ARHGAP10: variants seen among roughly 807,000 people sequenced by gnomAD.
ARHGAP10 encodes Rho GTPase activating protein 10.
A neutral mutation model predicts 108.6 loss-of-function variants in ARHGAP10; 87 were observed. The ratio of observed to expected loss-of-function variants is 0.80; its 90% CI spans 0.67 to 0.96. The LOEUF is 0.96. Ranked by LOEUF, ARHGAP10 falls within the 40% of genes least tolerant of loss-of-function variation. ARHGAP10 has a pLI of 0.00. For synonymous variants in ARHGAP10, 347 were observed against 341.1 expected (o/e 1.02, Z -0.19); for missense variants, 939 against 954.5 (o/e 0.98, Z 0.21).
chr4:147,963,338 G>C (rs1739074361), intron 16 of ARHGAP10, among the ~76,000 whole-genome samples: 2 of 152,066 alleles, frequency 1.3e-5, no homozygotes, highest in African/African-American at 4.8e-5. Flanking sequence ...ATCTCCAAGG[G>C]CTCTCCATTA....
intron 20 of ARHGAP10, among the ~76,000 whole-genome samples, chr4:148,061,008 C>T (rs1374184738): frequency 1.3e-5 from 2 of 152,016 alleles, no homozygotes; most frequent in African/African-American, 4.8e-5. Context: ...TCTGTCATTA[C>T]AGTGGTTCTT....
In ARHGAP10 at chr4:147,796,772, G is replaced by C. The variant is rs534906072; in HGVS notation, c.155-25955G>C. On this transcript the variant is annotated intron_variant, in intron 1 of 22. Coordinates refer to ENST00000336498, the MANE Select transcript of ARHGAP10 (RefSeq NM_024605.4). The stretch of plus-strand genomic sequence containing the variant: ...AATCTCCTGACCTTGTGATCCACCC[G>C]CCTTGGCCTCTTAAAGTGCTGGGAT... Among the ~76,000 whole-genome samples, 4 of 152,210 alleles carry C rather than the reference G, an allele frequency of 2.6e-5. No individual in the cohort carries two copies. The East Asian group carries it at 7.7e-4, about 29-fold the overall frequency.
chr4:147,750,333 T>C (rs140180223), intron 1 of ARHGAP10, among the ~76,000 whole-genome samples: 2,944 of 152,310 alleles, frequency 0.019, 36 homozygotes, highest in Non-Finnish European at 0.031. Context: ...TTTCTGACTG[T>C]GGCGTCAGTT....
intron 1 of ARHGAP10, among the ~76,000 whole-genome samples, chr4:147,775,649 G>C (rs749977934): frequency 9.9e-5 from 15 of 152,132 alleles, no homozygotes; most frequent in Non-Finnish European, 2.1e-4. Flanking sequence ...TGGCTACGCT[G>C]ACCTGGTTTT....
At chr4:147,988,131 G>C (rs1740111461) in intron 18 of ARHGAP10, among the ~76,000 whole-genome samples, 2 of 152,142 alleles carry the variant, frequency 1.3e-5, no homozygotes, top group African/African-American at 4.8e-5. Flanking sequence ...GAGGCTGGCT[G>C]CTTCTTAGGC....
At chr4:147,813,412 G>C (rs1215046459) in intron 1 of ARHGAP10, among the ~76,000 whole-genome samples, 2 of 152,166 alleles carry the variant, frequency 1.3e-5, no homozygotes, top group Non-Finnish European at 2.9e-5. Context: ...AGCTACCTCT[G>C]TCATGGCCTT....
At position 147,966,928 on chromosome 4, in the gene ARHGAP10, T is replaced by C; in HGVS notation, c.1716+89T>C. 4 of 1,190,352 alleles carry C rather than the reference T, an allele frequency of 3.4e-6. No homozygotes were observed. In the South Asian group the frequency reaches 1.1e-4, roughly 33 times the overall value. 73.7% of individuals were successfully genotyped at this position (1,190,352 alleles called of 1,614,324 possible). On this transcript the variant is annotated intron_variant, in intron 18 of 22. Transcript: ENST00000336498. ...TCCTCTTAGATTTCCCTTTTCTCTC[T>C]CTCTGTTTAAAAAAATTCTTTCATT...
At chr4:147,853,167 C>T (rs1007707514) in intron 4 of ARHGAP10, among the ~76,000 whole-genome samples, 1 of 152,170 alleles carries the variant, frequency 6.6e-6, no homozygotes, top group African/African-American at 2.4e-5. Context: ...CTCGCTCACA[C>T]AGTACTATTT....
chr4:147,896,631 T>C (rs1736001980), intron 10 of ARHGAP10, among the ~76,000 whole-genome samples: 1 of 152,116 alleles, frequency 6.6e-6, no homozygotes, highest in African/African-American at 2.4e-5. Flanking sequence ...TAACCACTTT[T>C]TATTTCATTT....
chr4:148,053,087 G>T (rs1010084105), intron 20 of ARHGAP10, among the ~76,000 whole-genome samples: 2 of 152,094 alleles, frequency 1.3e-5, no homozygotes, highest in African/African-American at 4.8e-5. Context: ...CTTAATGCTT[G>T]CATCAACCCA....
intron 1 of ARHGAP10, among the ~76,000 whole-genome samples, chr4:147,780,346 C>T (rs1339303222): frequency 2.6e-5 from 4 of 152,118 alleles, no homozygotes; most frequent in Admixed American, 6.5e-5. Flanking sequence ...CAGTATCTAG[C>T]TACACCCCAA....
chr4:147,968,393 T>C (rs1739281770), intron 18 of ARHGAP10, among the ~76,000 whole-genome samples: 1 of 152,210 alleles, frequency 6.6e-6, no homozygotes, highest in South Asian at 2.1e-4. Context: ...GCAGTACTTT[T>C]CAATCTTCTT....
chr4:147,918,840 A>ATC (rs1207616856), intron 13 of ARHGAP10, among the ~76,000 whole-genome samples: 1 of 152,252 alleles, frequency 6.6e-6, no homozygotes, highest in Admixed American at 6.5e-5. Flanking sequence ...AGGACCAAGC[A>ATC]TCTCTGAGGA....
At chr4:147,965,642 A>G (rs1025312174) in intron 17 of ARHGAP10, among the ~76,000 whole-genome samples, 2 of 152,242 alleles carry the variant, frequency 1.3e-5, no homozygotes, top group African/African-American at 4.8e-5. Flanking sequence ...GAAGAACGCT[A>G]TATTTTAGAA....
intron 10 of ARHGAP10, among the ~76,000 whole-genome samples, chr4:147,886,788 T>C (rs1481172642): frequency 6.6e-6 from 1 of 152,172 alleles, no homozygotes; most frequent in Non-Finnish European, 1.5e-5. Context: ...TTCTTTTCTT[T>C]GAGATAGAGT....
At chr4:148,011,869 G>T (rs1020694084) in intron 18 of ARHGAP10, among the ~76,000 whole-genome samples, 1 of 152,066 alleles carries the variant, frequency 6.6e-6, no homozygotes, top group Non-Finnish European at 1.5e-5. Flanking sequence ...TTAATTGTTG[G>T]CTCCTTTATG....
chr4:147,761,310 C>T (rs2126705576), intron 1 of ARHGAP10, among the ~76,000 whole-genome samples: 1 of 152,236 alleles, frequency 6.6e-6, no homozygotes, highest in South Asian at 2.1e-4. Context: ...AGCCACTGCA[C>T]CCGGCGTAAT....
chr4:147,768,990 G>A (rs1175724048), intron 1 of ARHGAP10, among the ~76,000 whole-genome samples: 3 of 151,862 alleles, frequency 2.0e-5, no homozygotes, highest in South Asian at 2.1e-4. Context: ...TGCCTGCCTC[G>A]GCCTCCCAAA....
At chr4:147,973,667 C>T (rs1739493977) in intron 18 of ARHGAP10, among the ~76,000 whole-genome samples, 1 of 152,166 alleles carries the variant, frequency 6.6e-6, no homozygotes, top group South Asian at 2.1e-4. Flanking sequence ...TTAACCATCC[C>T]TGCTCCCCCC....
Sources: allele counts gnomAD v4.1 joint callset (sites outside exome capture counted in the v4.1 genomes callset), GRCh38; gene constraint gnomAD v4.1.1; transcripts MANE v1.5; gene names NCBI Gene and HGNC (gene_info 2026-07-23, HGNC 2026-07-21).